LGSN: variants seen among roughly 807,000 people sequenced by gnomAD.
The protein encoded by LGSN is lengsin, lens protein with glutamine synthetase domain.
Under a neutral mutation model 19.5 loss-of-function variants are expected in LGSN, and 21 were observed. The ratio of observed to expected loss-of-function variants is 1.07; its 90% CI spans 0.76 to 1.55. LGSN has a LOEUF of 1.55. Ranked by LOEUF, LGSN falls within the 40% of genes most tolerant of loss-of-function variation. The pLI is 0.00. For synonymous variants in LGSN, 257 were observed against 215.6 expected, an observed-to-expected ratio of 1.19 and a Z score of -1.68; for missense variants, 673 against 608.5, an observed-to-expected ratio of 1.11 and a Z score of -1.12.
At chr6:63,313,446 A>C (rs1768710897) in intron 1 of LGSN, among the ~76,000 whole-genome samples, 2 of 152,234 alleles carry the variant, frequency 1.3e-5, no homozygotes, top group African/African-American at 4.8e-5. Flanking sequence ...AAAAGTATGA[A>C]GTAAAGAAGA....
At chr6:63,434,557 G>A in the LGSN span, among the ~76,000 whole-genome samples, 2 of 137,134 alleles carry the variant, frequency 1.5e-5, no homozygotes, top group Admixed American at 8.2e-5. Context: ...TCAGGAGTTC[G>A]AGAACAGCCT....
the LGSN span, among the ~76,000 whole-genome samples, chr6:63,529,151 A>ATATATATGTGTGTATATATATATATG: frequency 3.7e-5 from 4 of 106,724 alleles, no homozygotes; most frequent in Admixed American, 1.9e-4. Flanking sequence ...ATATATATGT[A>ATATATATGTGTGTATATATATATATG]TATATATGTG....
intron 1 of LGSN, among the ~76,000 whole-genome samples, chr6:63,295,925 G>A (rs1767964356): frequency 6.6e-6 from 1 of 152,110 alleles, no homozygotes; most frequent in Non-Finnish European, 1.5e-5. Flanking sequence ...GAGGAGAGAG[G>A]AAAGTGACAG....
At chr6:63,416,113 CTTTT>C in the LGSN span, among the ~76,000 whole-genome samples, 1 of 133,196 alleles carries the variant, frequency 7.5e-6, no homozygotes, top group Non-Finnish European at 1.6e-5. Flanking sequence ...AAGGGAGATG[CTTTT>C]TTTTTTGCTT....
In LGSN at chr6:63,285,717, G is replaced by A. The variant is rs200038371; in HGVS notation, c.200C>T (p.Pro67Leu). ...MRDSSQILTP[P>L]QLSSRMKHIR... ...GTGTTTCATTCTAGAAGAGAGTTGA[G>A]GTGGGGTCAAAATTTGACTGCTGTC... Residue 67 changes from proline to leucine, a missense_variant, in exon 3 of 4, where the codon CCT becomes CTT. Coordinates refer to ENST00000370657, the MANE Select transcript of LGSN (RefSeq NM_016571.3). 50 of 1,613,956 alleles carry A rather than the reference G, an allele frequency of 3.1e-5. No homozygotes were observed. In the East Asian group the frequency reaches 1.1e-3, roughly 35 times the overall value.
At chr6:63,565,545 A>C in the LGSN span, among the ~76,000 whole-genome samples, 1 of 152,198 alleles carries the variant, frequency 6.6e-6, no homozygotes, top group African/African-American at 2.4e-5. Flanking sequence ...GTTACTTCTG[A>C]TCCAGCAGGA....
chr6:63,525,718 T>G, the LGSN span, among the ~76,000 whole-genome samples: 1 of 152,184 alleles, frequency 6.6e-6, no homozygotes, highest in Non-Finnish European at 1.5e-5. Flanking sequence ...CCAGGCCTAG[T>G]GGTAGCAGCT....
At chr6:63,328,772 G>A in the LGSN span, among the ~76,000 whole-genome samples, 1 of 152,320 alleles carries the variant, frequency 6.6e-6, no homozygotes, top group Admixed American at 6.5e-5. Flanking sequence ...TTTGAAGGCT[G>A]TTTCTGCCTC....
At chr6:63,424,809 G>A in the LGSN span, among the ~76,000 whole-genome samples, 3 of 152,106 alleles carry the variant, frequency 2.0e-5, no homozygotes, top group South Asian at 6.2e-4. Flanking sequence ...TTGTTTAGGA[G>A]GCTGAGGTGG....
the LGSN span, among the ~76,000 whole-genome samples, chr6:63,454,793 C>CTTTTTTTTTTTTTTTTTTTT: frequency 3.3e-5 from 3 of 91,742 alleles, no homozygotes; most frequent in African/African-American, 4.5e-5. Context: ...TTTTCTTTTT[C>CTTTTTTTTTTTTTTTTTTTT]TTTTTTTTTT....
rs1208663288 is a variant in LGSN, at chr6:63,280,612, A to G, written c.939T>C (p.Ile313=). 1 of 1,613,950 alleles carries G rather than the reference A, an allele frequency of 6.2e-7. No individual in the cohort carries two copies. The highest frequency in any genetic ancestry group is 8.5e-7 in the Non-Finnish European group (1 of 1,180,040). The stretch of plus-strand genomic sequence containing the variant: ...CGACATCCCAGAGACTATGAGACAA[A>G]ATCCCTGAATCACAAAATCCAGTCT... ...FIETGFCDSG[I]LSHSLWDVDR... Residue 313 remains isoleucine, a synonymous_variant, in exon 4 of 4, where the codon ATT becomes ATC. Transcript: ENST00000370657.
At chr6:63,405,674 C>T in the LGSN span, among the ~76,000 whole-genome samples, 2 of 152,106 alleles carry the variant, frequency 1.3e-5, no homozygotes, top group African/African-American at 4.8e-5. Flanking sequence ...TCACACATAA[C>T]AATATTAACT....
chr6:63,498,309 T>C, the LGSN span, among the ~76,000 whole-genome samples: 1 of 152,014 alleles, frequency 6.6e-6, no homozygotes, highest in Non-Finnish European at 1.5e-5. Flanking sequence ...TTCAAACAGG[T>C]CGAAGCCTGA....
the LGSN span, among the ~76,000 whole-genome samples, chr6:63,549,989 T>C: frequency 6.6e-6 from 1 of 152,196 alleles, no homozygotes; most frequent in Non-Finnish European, 1.5e-5. Flanking sequence ...GTGATAAATG[T>C]TTGAGATGAG....
intron 1 of LGSN, among the ~76,000 whole-genome samples, chr6:63,308,606 T>G (rs1768492650): frequency 6.9e-6 from 1 of 145,970 alleles, no homozygotes; most frequent in Non-Finnish European, 1.5e-5. Context: ...ACCTTTTTAA[T>G]GTCAATACAA....
the LGSN span, chr6:63,571,321 C>T: frequency 5.3e-5 from 8 of 152,178 alleles, no homozygotes; most frequent in Non-Finnish European, 1.0e-4. Context: ...CAATCTCATA[C>T]TCGGTGAAAA....
the LGSN span, among the ~76,000 whole-genome samples, chr6:63,463,579 A>T: frequency 6.6e-6 from 1 of 152,186 alleles, no homozygotes; most frequent in African/African-American, 2.4e-5. Context: ...ATGGTCTTGC[A>T]AGGCCTTGTA....
chr6:63,497,319 C>G, the LGSN span, among the ~76,000 whole-genome samples: 3 of 151,980 alleles, frequency 2.0e-5, no homozygotes, highest in East Asian at 5.8e-4. Flanking sequence ...GAGGCCAAGG[C>G]GGGCGGATCA....
chr6:63,473,714 T>G, the LGSN span, among the ~76,000 whole-genome samples: 12 of 149,382 alleles, frequency 8.0e-5, no homozygotes, highest in Admixed American at 8.1e-4. Flanking sequence ...TCTTCCTGAC[T>G]GGGGTCCAAG....
Sources: allele counts gnomAD v4.1 joint callset (sites outside exome capture counted in the v4.1 genomes callset), GRCh38; gene constraint gnomAD v4.1.1; transcripts MANE v1.5; gene names NCBI Gene and HGNC (gene_info 2026-07-23, HGNC 2026-07-21).